The following PNLIPRP1 variants were observed in gnomAD, a reference collection of about 807,000 sequenced individuals.
PNLIPRP1 encodes the protein pancreatic lipase related protein 1, also known as inactive pancreatic lipase-related protein 1.
Under a neutral mutation model 54.6 loss-of-function variants are expected in PNLIPRP1, and 57 were observed. That is an observed-to-expected ratio of 1.04 (90% CI 0.84 to 1.30). The LOEUF is 1.30. Among genes scored for constraint, PNLIPRP1 ranks in the 50% most tolerant of loss-of-function variants. The pLI, the probability that PNLIPRP1 is intolerant of heterozygous loss-of-function variation, is 0.00. For synonymous variants in PNLIPRP1, 232 were observed against 208.8 expected, an observed-to-expected ratio of 1.11 and a Z score of -0.96; for missense variants, 567 against 568.5, an observed-to-expected ratio of 1.00 and a Z score of 0.03.
At chr10:116,591,320 G>A (rs571401712) in intron 2 of PNLIPRP1, 142 bp downstream of exon 2, 16 of 662,212 alleles carry the variant, frequency 2.4e-5, no homozygotes, top group Non-Finnish European at 2.9e-5. Flanking sequence ...CTGCCTGGGA[G>A]AGTAGGCTGG....
intron 4 of PNLIPRP1, chr10:116,593,204 T>C (rs1412725629): frequency 6.5e-6 from 1 of 153,948 alleles, no homozygotes; most frequent in Non-Finnish European, 1.4e-5. Context: ...ATTAAGTTAC[T>C]ACAATGACAG....
intron 10 of PNLIPRP1, among the ~76,000 whole-genome samples, chr10:116,602,011 C>A (rs1249023234): frequency 7.2e-6 from 1 of 139,050 alleles, no homozygotes; most frequent in Non-Finnish European, 1.5e-5. Flanking sequence ...ATATATCACT[C>A]TGTAATTTTT....
intron 6 of PNLIPRP1, 127 bp downstream of exon 6, chr10:116,596,449 G>C (rs1847739431): frequency 8.1e-6 from 5 of 615,524 alleles, no homozygotes; most frequent in Non-Finnish European, 1.5e-5. Flanking sequence ...GAGCTGCTTG[G>C]AGCCTGCACA....
chr10:116,606,965 C>T (rs1847945552), intron 12 of PNLIPRP1, among the ~76,000 whole-genome samples: 1 of 151,852 alleles, frequency 6.6e-6, no homozygotes, highest in African/African-American at 2.4e-5. Flanking sequence ...AGTAAAAACA[C>T]TGAATTAGTT....
intron 3 of PNLIPRP1, chr10:116,592,208 C>A: frequency 1.5e-6 from 1 of 661,534 alleles, no homozygotes; most frequent in Non-Finnish European, 2.5e-6. Flanking sequence ...GGTAAAACCT[C>A]AAACCACAAT....
chr10:116,595,948 A>G (rs1235653129), intron 5 of PNLIPRP1: 3 of 336,560 alleles, frequency 8.9e-6, no homozygotes, highest in Non-Finnish European at 5.5e-6. Flanking sequence ...GACAACAACA[A>G]GAAGAGAAGA....
intron 1 of PNLIPRP1, 39 bp downstream of exon 1, chr10:116,591,034 G>C: frequency 1.1e-6 from 1 of 898,534 alleles, no homozygotes; most frequent in Non-Finnish European, 1.8e-6. Context: ...CTGCTGTGAC[G>C]TACAGGTGAG....
chr10:116,597,646 G>T (rs1446051806), intron 6 of PNLIPRP1, among the ~76,000 whole-genome samples, 182 bp from the exon 7 acceptor site: 1 of 152,200 alleles, frequency 6.6e-6, no homozygotes, highest in East Asian at 1.9e-4. Flanking sequence ...GAACCCTTTT[G>T]CAATGAGCCA....
chr10:116,601,117 C>T lies in PNLIPRP1; in HGVS notation c.979C>T (p.His327Tyr). The change falls in exon 10 of 13, where the codon CAC becomes TAC. Residue 327 changes from histidine to tyrosine, a missense_variant. Transcript: ENST00000358834. ...AGATCAAGGATGCCCACAGATGGGT[C>T]ACTATGCTGATAAATTTGCTGGCAG... ...CPDQGCPQMG[H>Y]YADKFAGRTS... The T allele has an allele frequency of 6.2e-7, 1 of 1,613,902 alleles. No individual in the cohort carries two copies. The highest frequency in any genetic ancestry group is 8.5e-7 in the Non-Finnish European group (1 of 1,179,834).
chr10:116,607,651 G>C (rs1847957997), intron 12 of PNLIPRP1, among the ~76,000 whole-genome samples: 1 of 152,098 alleles, frequency 6.6e-6, no homozygotes, highest in Non-Finnish European at 1.5e-5. Flanking sequence ...AAACACAGAA[G>C]AGAAAGTGGG....
chr10:116,591,774 A>G lies in PNLIPRP1; in HGVS notation c.53A>G (p.Lys18Arg). The G allele has an allele frequency of 6.2e-7, 1 of 1,614,114 alleles. No homozygotes were observed. Among genetic ancestry groups the G allele is most frequent in the South Asian group, 1.1e-5 (1 of 91,072 alleles). ...TLFLLGAAKG[K>R]EVCYEDLGCF... ...CAGATTCAACCTTTCTCTGTAGGAA[A>G]AGAAGTTTGCTATGAGGACCTCGGG... Residue 18 changes from lysine to arginine, a missense_variant, in exon 3 of 13, where the codon AAA (lysine) becomes AGA (arginine). Lys to Arg is a conservative substitution (Grantham distance 26). Coordinates refer to ENST00000358834, the MANE Select transcript of PNLIPRP1 (RefSeq NM_006229.4).
At chr10:116,592,059 C>T (rs1847649336) in intron 3 of PNLIPRP1, 134 bp downstream of exon 3, 1 of 872,170 alleles carries the variant, frequency 1.1e-6, no homozygotes. Context: ...CCCCCCAGAC[C>T]TAGCTAGACC....
In PNLIPRP1 at chr10:116,602,262, G is replaced by A. The variant is rs188526782; in HGVS notation, c.1063+1061G>A. Among the ~76,000 whole-genome samples the A allele has an allele frequency of 2.3e-3, 357 of 152,118 alleles. 2 individuals are homozygous for A. Among genetic ancestry groups the A allele is most frequent in the African/African-American group, 8.1e-3 (337 of 41,504 alleles). On this transcript the variant is annotated intron_variant, in intron 10 of 12. Coordinates refer to ENST00000358834, the MANE Select transcript of PNLIPRP1 (RefSeq NM_006229.4). ...TCTCGATCTCCTGACCTTGTGATCC[G>A]CCTGCCTCGGCCTCCCAAAGTGCCG...
At position 116,609,146 on chromosome 10, in the gene PNLIPRP1, A is replaced by C. The variant is rs373145991; in HGVS notation, c.*30A>C. The C allele has an allele frequency of 6.9e-5, 107 of 1,541,714 alleles. No individual in the cohort carries two copies. In the African/African-American group the frequency reaches 1.4e-3, roughly 20 times the overall value. On this transcript the variant is annotated 3_prime_UTR_variant, in exon 13 of 13. Transcript: ENST00000358834. ...CCGGGGCGACGAGGCTGCTGCGTTCACACTAATAAAATCCACTGGTGCATC... is the reference window on the plus strand; with the variant it reads ...CCGGGGCGACGAGGCTGCTGCGTTCCCACTAATAAAATCCACTGGTGCATC...
At chr10:116,598,013 G>A in intron 7 of PNLIPRP1, 34 bp from the exon 8 acceptor site, 1 of 1,613,880 alleles carries the variant, frequency 6.2e-7, no homozygotes, top group Non-Finnish European at 8.5e-7. Flanking sequence ...AGTCCTGCAT[G>A]ACAAAAAGCT....
intron 12 of PNLIPRP1, among the ~76,000 whole-genome samples, chr10:116,606,887 A>AT (rs1296130634): frequency 6.6e-6 from 1 of 152,072 alleles, no homozygotes; most frequent in Non-Finnish European, 1.5e-5. Context: ...GCAGCTGGAT[A>AT]TAAGACATCA....
At chr10:116,594,957 G>A in intron 5 of PNLIPRP1, 93 bp downstream of exon 5, 3 of 1,448,450 alleles carry the variant, frequency 2.1e-6, no homozygotes, top group Non-Finnish European at 9.4e-7. Flanking sequence ...GATTAAAGAA[G>A]GACAAAGAAT....
chr10:116,591,386 C>T (rs182548031), intron 2 of PNLIPRP1, among the ~76,000 whole-genome samples: 19 of 152,284 alleles, frequency 1.2e-4, no homozygotes, highest in Middle Eastern at 3.4e-3. Flanking sequence ...CCTTCATGCT[C>T]GGGGTGCCCA....
rs767193258 is a variant in PNLIPRP1 at position 116,601,143 on chromosome 10, G to GA, written c.1006dup (p.Thr336AsnfsTer3). Reference sequence around the variant, plus strand: ...ACTATGCTGATAAATTTGCTGGCAGGACAAGTGAAGAGCAGCAGAAATTCT... The same window carrying GA: ...ACTATGCTGATAAATTTGCTGGCAGGAACAAGTGAAGAGCAGCAGAAATTCT... On this transcript the variant is annotated frameshift_variant, in exon 10 of 13. Coordinates refer to ENST00000358834, the MANE Select transcript of PNLIPRP1 (RefSeq NM_006229.4). LOFTEE classifies it high-confidence loss of function. 1.2e-4 allele frequency: 192 copies of GA among 1,613,982 alleles called. No homozygotes were observed. Among genetic ancestry groups the GA allele is most frequent in the Admixed American group, 2.3e-4 (14 of 59,990 alleles).
Sources: allele counts gnomAD v4.1 joint callset (sites outside exome capture counted in the v4.1 genomes callset), GRCh38; gene constraint gnomAD v4.1.1; transcripts MANE v1.5; gene names NCBI Gene and HGNC (gene_info 2026-07-23, HGNC 2026-07-21).